Variants in FABP9 observed in about 807,000 individuals in gnomAD.
FABP9 encodes fatty acid binding protein 9, also known as fatty acid-binding protein 9.
In FABP9, 11 loss-of-function variants were observed where a neutral mutation model predicts 14.7. That is an observed-to-expected ratio of 0.75 (90% CI 0.47 to 1.24). The LOEUF is 1.24. FABP9 is among the 50% of genes most tolerant of loss of function. FABP9 has a pLI of 0.00. For missense variants in FABP9, 171 were observed against 158.2 expected (o/e 1.08, Z -0.44); for synonymous variants, 54 against 50.6 (o/e 1.07, Z -0.29).
At position 81,458,347 on chromosome 8, in the gene FABP9, G is replaced by A. The variant is rs756703729; in HGVS notation, c.*36C>T. 30 of 1,524,496 alleles carry A rather than the reference G, an allele frequency of 2.0e-5. No individual in the cohort carries two copies. The South Asian group carries it at 3.3e-4, about 17-fold the overall frequency. 94.4% of individuals were successfully genotyped at this position (1,524,496 alleles called of 1,614,324 possible). A position where few individuals can be genotyped will look rare whatever the true frequency, so the allele number is the denominator to read the frequency against. On this transcript the variant is annotated 3_prime_UTR_variant, in exon 4 of 4. Coordinates refer to ENST00000379071, the MANE Select transcript of FABP9 (RefSeq NM_001080526.2). ...TATCTTCTTCAGGTACCAGTTCCTT[G>A]TCAGTGAACAAGTTTTCATTGCTGT... is the stretch of plus-strand genomic sequence containing the variant.
chr8:81,458,275 G>T lies in FABP9; in HGVS notation c.*108C>A. ...GCACTTAATTTGATGCTTTTATTAA[G>T]CAAATTTATATTGAGACATTTTTTA... On this transcript the variant is annotated 3_prime_UTR_variant, in exon 4 of 4. Coordinates refer to ENST00000379071, the MANE Select transcript of FABP9 (RefSeq NM_001080526.2). 2.4e-6 allele frequency: 2 copies of T among 841,990 alleles called. No homozygotes were observed. The highest frequency in any genetic ancestry group is 2.0e-6 in the Non-Finnish European group (1 of 509,606). 52.2% of individuals were successfully genotyped at this position (841,990 alleles called of 1,614,324 possible). A position where few individuals can be genotyped will look rare whatever the true frequency, so the allele number is the denominator to read the frequency against.
At position 81,459,223 on chromosome 8, in the gene FABP9, A is replaced by T. The variant is rs1184112978; in HGVS notation, c.188T>A (p.Ile63Asn). The T allele has an allele frequency of 6.3e-7, 1 of 1,591,734 alleles. No homozygotes were observed. Among genetic ancestry groups the T allele is most frequent in the East Asian group, 2.3e-5 (1 of 43,388 alleles). Reference protein sequence around the residue: ...RTESSFQDTKISFKLGEEFDE... With the variant: ...RTESSFQDTKNSFKLGEEFDE... ...AAATTCTTCCCCCAGCTTGAAGGAG[A>T]TCTTAGTGTCCTGGAAAGAACTTTC... Residue 63 changes from isoleucine (I) to asparagine (N), a missense_variant, in exon 2 of 4, where the codon ATC becomes AAC. Physicochemically the swap from Ile to Asn is moderately radical, Grantham distance 149. Transcript: ENST00000379071.
intron 2 of FABP9, among the ~76,000 whole-genome samples, 159 bp from the exon 3 acceptor site, chr8:81,458,862 T>TTGA (rs1807639192): frequency 2.0e-5 from 3 of 152,224 alleles, no homozygotes; most frequent in Non-Finnish European, 1.5e-5. Context: ...TCTCAAGAGA[T>TTGA]TATTCAATTA....
At position 81,458,683 on chromosome 8, in the gene FABP9, A is replaced by G. The variant is rs1389192307; in HGVS notation, c.267T>C (p.Asn89=). The change falls in exon 3 of 4, where the codon AAT becomes AAC. Residue 89 remains asparagine, a synonymous_variant. Coordinates refer to ENST00000379071, the MANE Select transcript of FABP9 (RefSeq NM_001080526.2). ...ATTTTTGGACGTGAATCATTGAGCC[A>G]TTCTCTAATGTTATGGTGCTCTATA... The part of the protein sequence containing the change: ...RKVKSTITLE[N]GSMIHVQKWL... 2 of 1,613,516 alleles carry G rather than the reference A, an allele frequency of 1.2e-6. No individual in the cohort carries two copies. Among genetic ancestry groups the G allele is most frequent in the Non-Finnish European group, 1.7e-6 (2 of 1,179,658 alleles).
At chr8:81,459,739 A>G (rs1187325039) in intron 1 of FABP9, among the ~76,000 whole-genome samples, 2 of 152,198 alleles carry the variant, frequency 1.3e-5, no homozygotes, top group Non-Finnish European at 2.9e-5. Flanking sequence ...GGTGGGCAGA[A>G]GAGCTGACTC....
At chr8:81,459,685 G>A (rs1807658437) in intron 1 of FABP9, among the ~76,000 whole-genome samples, 1 of 152,166 alleles carries the variant, frequency 6.6e-6, no homozygotes, top group Non-Finnish European at 1.5e-5. Flanking sequence ...TGGCCCTGTG[G>A]TTTGGTTGGG....
chr8:81,459,230 T>C lies in FABP9; in HGVS notation c.181A>G (p.Thr61Ala). The change falls in exon 2 of 4, where the codon ACT (threonine) becomes GCT (alanine). Residue 61 changes from threonine (T) to alanine (A), a missense_variant. Coordinates refer to ENST00000379071, the MANE Select transcript of FABP9 (RefSeq NM_001080526.2). ...TCCCCCAGCTTGAAGGAGATCTTAG[T>C]GTCCTGGAAAGAACTTTCTGTTCTT... is the stretch of plus-strand genomic sequence containing the variant. ...TIRTESSFQD[T>A]KISFKLGEEF... The C allele has an allele frequency of 1.9e-6, 3 of 1,589,464 alleles. No individual in the cohort carries two copies. Among genetic ancestry groups the C allele is most frequent in the Non-Finnish European group, 2.6e-6 (3 of 1,172,086 alleles).
intron 1 of FABP9, among the ~76,000 whole-genome samples, chr8:81,460,302 C>T (rs900626328): frequency 2.6e-5 from 4 of 152,054 alleles, no homozygotes; most frequent in South Asian, 4.1e-4. Flanking sequence ...ACCCAGCCAG[C>T]GGATGTTTTA....
intron 1 of FABP9, 93 bp downstream of exon 1, chr8:81,461,358 A>C: frequency 1.1e-6 from 1 of 895,632 alleles, no homozygotes; most frequent in African/African-American, 1.6e-5. Flanking sequence ...TCACAAAAGG[A>C]AGATAATTGT....
chr8:81,459,554 T>G (rs1807655997), intron 1 of FABP9, among the ~76,000 whole-genome samples: 1 of 152,228 alleles, frequency 6.6e-6, no homozygotes, highest in South Asian at 2.1e-4. Flanking sequence ...TCTCTGAGAC[T>G]ATTACACTTC....
Position 81,459,147 on chromosome 8 carries a change from G to A in FABP9, c.246+18C>T. On this transcript the variant is annotated intron_variant, in intron 2 of 3. Coordinates refer to ENST00000379071, the MANE Select transcript of FABP9 (RefSeq NM_001080526.2). ...ACTTTTTCCTGATTGTTGAACACCA[G>A]GAAGAATTAGTTCTGACCTTTACTT... 6.4e-7 allele frequency: 1 copy of A among 1,562,496 alleles called. No homozygotes were observed. Among genetic ancestry groups the A allele is most frequent in the Non-Finnish European group, 8.6e-7 (1 of 1,163,896 alleles).
intron 1 of FABP9, among the ~76,000 whole-genome samples, chr8:81,459,837 A>G (rs1807661050): frequency 6.6e-6 from 1 of 152,226 alleles, no homozygotes; most frequent in Non-Finnish European, 1.5e-5. Flanking sequence ...AGTGTTAGAC[A>G]TCTGCATCAC....
chr8:81,461,340 C>T (rs1807689325), intron 1 of FABP9, 111 bp downstream of exon 1: 1 of 806,656 alleles, frequency 1.2e-6, no homozygotes, highest in Non-Finnish European at 2.2e-6. Context: ...AGTCTATATA[C>T]CCTAGGATCA....
intron 1 of FABP9, 130 bp downstream of exon 1, chr8:81,461,321 C>T: frequency 1.4e-6 from 1 of 705,286 alleles, no homozygotes; most frequent in Non-Finnish European, 2.5e-6. Flanking sequence ...TAGAAGCATA[C>T]ATTGTGTTAG....
chr8:81,459,890 A>T (rs1187279895), intron 1 of FABP9, among the ~76,000 whole-genome samples: 3 of 152,210 alleles, frequency 2.0e-5, no homozygotes, highest in Non-Finnish European at 4.4e-5. Context: ...TAACTTGGCC[A>T]CTTGCTAGCT....
intron 1 of FABP9, among the ~76,000 whole-genome samples, chr8:81,460,187 A>C (rs1224486677): frequency 6.6e-6 from 1 of 152,066 alleles, no homozygotes; most frequent in South Asian, 2.1e-4. Flanking sequence ...TTTAGTAGAG[A>C]TGGGGTTTCA....
chr8:81,461,211 A>G (rs1040575043), intron 1 of FABP9, among the ~76,000 whole-genome samples: 1 of 152,198 alleles, frequency 6.6e-6, no homozygotes, highest in African/African-American at 2.4e-5. Context: ...CAAAAAGGAT[A>G]AATGGGCTTA....
Position 81,458,430 on chromosome 8 carries a change from A to C in FABP9, c.352T>G (p.Cys118Gly), listed in dbSNP as rs1308903874. 15 of 1,611,606 alleles carry C rather than the reference A, an allele frequency of 9.3e-6. No homozygotes were observed. Among genetic ancestry groups the C allele is most frequent in the African/African-American group, 1.3e-5 (1 of 74,800 alleles). ...GTGCTGACAATATTATTCATTTTACATTCCTAAAAGCAAAGAGGAATCTAT... is the reference window on the plus strand; with the variant it reads ...GTGCTGACAATATTATTCATTTTACCTTCCTAAAAGCAAAGAGGAATCTAT... ...KIVDEKMVVE[C>G]KMNNIVSTRI... Residue 118 changes from cysteine (C) to glycine (G), a missense_variant, in exon 4 of 4, where the codon TGT becomes GGT. Cys to Gly is a radical substitution (Grantham distance 159, BLOSUM62 -3). Coordinates refer to ENST00000379071, the MANE Select transcript of FABP9 (RefSeq NM_001080526.2).
intron 1 of FABP9, among the ~76,000 whole-genome samples, chr8:81,460,448 T>C (rs1299661408): frequency 6.7e-6 from 1 of 149,202 alleles, no homozygotes; most frequent in Non-Finnish European, 1.5e-5. Context: ...AAGTTTTTTA[T>C]ATACCCCCCC....
Sources: gnomAD v4.1 joint callset for allele counts (sites outside exome capture counted in the v4.1 genomes callset) on GRCh38, gnomAD v4.1.1 for gene constraint, MANE v1.5 for transcripts, NCBI Gene and HGNC (gene_info 2026-07-23, HGNC 2026-07-21) for gene names.